Variants in PDE1C observed in about 807,000 individuals in gnomAD.
PDE1C encodes the protein phosphodiesterase 1C.
Under a neutral mutation model 93.1 loss-of-function variants are expected in PDE1C, and 62 were observed. That is an observed-to-expected ratio of 0.67 (90% CI 0.54 to 0.82). The LOEUF is 0.82. Ranked by LOEUF, PDE1C falls within the 40% of genes least tolerant of loss-of-function variation. The pLI is 0.00. For missense variants in PDE1C, 742 were observed against 884.6 expected, an observed-to-expected ratio of 0.84 and a Z score of 2.04; for synonymous variants, 325 against 310.1, an observed-to-expected ratio of 1.05 and a Z score of -0.50.
intron 1 of PDE1C, among the ~76,000 whole-genome samples, chr7:32,267,583 CA>C (rs1810682394): frequency 1.3e-5 from 1 of 74,762 alleles, no homozygotes; most frequent in South Asian, 3.9e-4. Flanking sequence ...CACACACACA[CA>C]CACTCTCTCT....
At chr7:31,913,645 G>A (rs1021368704) in intron 2 of PDE1C, among the ~76,000 whole-genome samples, 2 of 152,260 alleles carry the variant, frequency 1.3e-5, no homozygotes, top group East Asian at 1.9e-4. Context: ...GGCAACTCAA[G>A]TGATCAAGTC....
the PDE1C span, among the ~76,000 whole-genome samples, chr7:31,743,556 AGTGTGT>A: frequency 6.8e-6 from 1 of 147,930 alleles, no homozygotes; most frequent in East Asian, 2.0e-4. Flanking sequence ...TGGAGGATGC[AGTGTGT>A]GTGTGTGTGT....
At chr7:31,919,630 C>T (rs918935240) in intron 2 of PDE1C, among the ~76,000 whole-genome samples, 5 of 152,028 alleles carry the variant, frequency 3.3e-5, no homozygotes, top group Admixed American at 6.6e-5. Context: ...CAAACCAACA[C>T]GTAAAAAGAA....
chr7:32,058,397 A>G (rs1289418651), intron 1 of PDE1C, among the ~76,000 whole-genome samples: 1 of 152,248 alleles, frequency 6.6e-6, no homozygotes. Flanking sequence ...TCTCATGAGT[A>G]CAGATCACAT....
chr7:31,693,377 T>C, the PDE1C span, among the ~76,000 whole-genome samples: 12 of 152,266 alleles, frequency 7.9e-5, no homozygotes, highest in Non-Finnish European at 1.6e-4. Context: ...ATGTAAAATA[T>C]TGGGGAAAGA....
intron 1 of PDE1C, among the ~76,000 whole-genome samples, chr7:32,410,528 G>A (rs946118020): frequency 1.3e-5 from 2 of 152,134 alleles, no homozygotes; most frequent in East Asian, 3.8e-4. Context: ...GCATGGAACA[G>A]ACAGGTGGTC....
Position 31,880,781 on chromosome 7 carries a change from T to C in PDE1C, c.208A>G (p.Thr70Ala), listed in dbSNP as rs1428281837. The C allele has an allele frequency of 1.8e-5, 29 of 1,609,408 alleles. No homozygotes were observed. The highest frequency in any genetic ancestry group is 2.5e-5 in the Non-Finnish European group (29 of 1,175,946). Reference sequence around the variant, plus strand: ...TCAATATACACAGATTCAAGCACTGTGGCTGCATATTCCAAATTCTTCTTA... The same window carrying C: ...TCAATATACACAGATTCAAGCACTGCGGCTGCATATTCCAAATTCTTCTTA... ...DLKKNLEYAA[T>A]VLESVYIDET... Residue 70 changes from threonine (T) to alanine (A), a missense_variant, in exon 3 of 18, where the codon ACA becomes GCA. Thr to Ala is a moderately conservative substitution (Grantham distance 58). Transcript: ENST00000396191.
chr7:32,043,963 G>A (rs138532761), intron 2 of PDE1C, among the ~76,000 whole-genome samples: 32 of 152,230 alleles, frequency 2.1e-4, no homozygotes, highest in African/African-American at 6.5e-4. Context: ...TAACTATGAC[G>A]TTAGTTCTGA....
intron 1 of PDE1C, among the ~76,000 whole-genome samples, chr7:32,240,335 A>G (rs1176378505): frequency 6.6e-6 from 1 of 152,206 alleles, no homozygotes; most frequent in Non-Finnish European, 1.5e-5. Context: ...GGCTTACTAT[A>G]TGCTAGGCAC....
At chr7:31,733,069 C>T in the PDE1C span, among the ~76,000 whole-genome samples, 10 of 152,080 alleles carry the variant, frequency 6.6e-5, no homozygotes, top group African/African-American at 2.4e-4. Flanking sequence ...TTCTTTTGTT[C>T]CCTGGATCAG....
At chr7:31,631,021 CAAG>C in the PDE1C span, among the ~76,000 whole-genome samples, 1 of 151,984 alleles carries the variant, frequency 6.6e-6, no homozygotes, top group Non-Finnish European at 1.5e-5. Flanking sequence ...GTTATTAACT[CAAG>C]AAGTAGGTAT....
intron 2 of PDE1C, among the ~76,000 whole-genome samples, chr7:31,944,031 C>A (rs1806223505): frequency 6.6e-6 from 1 of 152,168 alleles, no homozygotes; most frequent in Non-Finnish European, 1.5e-5. Context: ...CCAGCAGAAG[C>A]TGCCAACACC....
chr7:32,260,673 T>C (rs879797810), intron 1 of PDE1C, among the ~76,000 whole-genome samples: 2 of 152,272 alleles, frequency 1.3e-5, no homozygotes, highest in Admixed American at 6.5e-5. Flanking sequence ...TAAGCTGTCC[T>C]TGTTCATTCC....
At chr7:32,067,987 A>G (rs1239826750) in intron 1 of PDE1C, among the ~76,000 whole-genome samples, 3 of 152,178 alleles carry the variant, frequency 2.0e-5, no homozygotes, top group African/African-American at 4.8e-5. Context: ...AATACGGGCG[A>G]TACCAACAAG....
downstream of PDE1C, among the ~76,000 whole-genome samples, chr7:31,748,264 C>T (rs1794047774): frequency 7.0e-6 from 1 of 142,904 alleles, no homozygotes; most frequent in Non-Finnish European, 1.5e-5. Flanking sequence ...ATTTAGTATC[C>T]TTTTACCTTT....
At position 32,391,558 on chromosome 7, in the gene PDE1C, C is replaced by G. The variant is rs947506811; in HGVS notation, c.310+36264G>C. ...TAAGTACACATCATTTTCAAGTGCA[C>G]AGAGAACATTCTCTAAGGCAGACTA... On this transcript the variant is annotated intron_variant, in intron 1 of 1. Coordinates refer to the PDE1C transcript ENST00000672256. 1.2e-4 allele frequency among the ~76,000 whole-genome samples: 19 copies of G among 152,244 alleles called. 1 individual carries two copies. The highest frequency in any genetic ancestry group is 1.2e-3 in the Admixed American group (19 of 15,290).
chr7:32,417,358 A>C (rs1785295997), intron 1 of PDE1C, among the ~76,000 whole-genome samples: 1 of 152,102 alleles, frequency 6.6e-6, no homozygotes, highest in Non-Finnish European at 1.5e-5. Flanking sequence ...CACTACTGCT[A>C]ATAAAATCTC....
chr7:31,898,375 C>G (rs1356995393), intron 2 of PDE1C, among the ~76,000 whole-genome samples: 1 of 151,994 alleles, frequency 6.6e-6, no homozygotes, highest in African/African-American at 2.4e-5. Flanking sequence ...AGAGTTTAAA[C>G]TTCTCTACAA....
chr7:31,829,779 C>A (rs1210899327), intron 11 of PDE1C, among the ~76,000 whole-genome samples: 1 of 152,070 alleles, frequency 6.6e-6, no homozygotes, highest in Admixed American at 6.6e-5. Flanking sequence ...TCTCAAGTGG[C>A]ATGATAAAAA....
Sources: gnomAD v4.1 joint callset for allele counts (sites outside exome capture counted in the v4.1 genomes callset) on GRCh38, gnomAD v4.1.1 for gene constraint, MANE v1.5 for transcripts, NCBI Gene and HGNC (gene_info 2026-07-23, HGNC 2026-07-21) for gene names.